ATP2B4: variants seen among roughly 807,000 people sequenced by gnomAD.
The protein encoded by ATP2B4 is ATPase plasma membrane Ca2+ transporting 4, also known as plasma membrane calcium-transporting ATPase 4.
A neutral mutation model predicts 110.3 loss-of-function variants in ATP2B4; 39 were observed. The observed-to-expected ratio is 0.35, with a 90% CI of 0.27 to 0.46. ATP2B4 has a LOEUF of 0.46. Ranked by LOEUF, ATP2B4 falls within the 20% of genes least tolerant of loss-of-function variation. The pLI, the probability that ATP2B4 is intolerant of heterozygous loss-of-function variation, is 1.00. For missense variants in ATP2B4, 1,135 were observed against 1,530.9 expected (o/e 0.74, Z 4.32); for synonymous variants, 538 against 571.7 (o/e 0.94, Z 0.84).
intron 19 of ATP2B4, among the ~76,000 whole-genome samples, chr1:203,726,428 T>C (rs1318120751): frequency 6.8e-6 from 1 of 148,022 alleles, no homozygotes; most frequent in Non-Finnish European, 1.5e-5. Flanking sequence ...AAGATTTCTT[T>C]TTTTTTTTTT....
At chr1:203,647,389 T>A (rs181972963) in intron 1 of ATP2B4, among the ~76,000 whole-genome samples, 61 of 152,148 alleles carry the variant, frequency 4.0e-4, no homozygotes, top group African/African-American at 1.3e-3. Flanking sequence ...TGAGCTCTGA[T>A]TGCACCACTG....
chr1:203,644,800 C>G (rs1033987728), intron 1 of ATP2B4, among the ~76,000 whole-genome samples: 1 of 152,158 alleles, frequency 6.6e-6, no homozygotes, highest in African/African-American at 2.4e-5. Context: ...AGGAATTGGT[C>G]TCCTAGAATT....
chr1:203,632,248 A>G lies in ATP2B4; in HGVS notation c.-465+5029A>G, dbSNP rs111573146. ...ATGACTAGGAGCCCTGTGAACTTAT[A>G]TGACATGATTGTTAGGATATATTAT... is the stretch of plus-strand genomic sequence containing the variant. On this transcript the variant is annotated intron_variant, in intron 1 of 20. Coordinates refer to ENST00000357681, the MANE Select transcript of ATP2B4 (RefSeq NM_001684.5). Among the ~76,000 whole-genome samples the G allele has an allele frequency of 5.4e-3, 815 of 152,214 alleles. 11 individuals are homozygous for G. Among genetic ancestry groups the G allele is most frequent in the African/African-American group, 0.018 (760 of 41,554 alleles).
At chr1:203,713,608 G>A (rs532465659) in intron 14 of ATP2B4, among the ~76,000 whole-genome samples, 1 of 152,186 alleles carries the variant, frequency 6.6e-6, no homozygotes, top group East Asian at 1.9e-4. Context: ...GGGACTACAG[G>A]CGCATGCCAC....
chr1:203,717,737 G>A (rs1490412364), intron 15 of ATP2B4, among the ~76,000 whole-genome samples: 2 of 151,728 alleles, frequency 1.3e-5, no homozygotes, highest in African/African-American at 2.4e-5. Context: ...CACTTCCCAG[G>A]TTCAAACAAT....
intron 2 of ATP2B4, 101 bp from the exon 3 acceptor site, chr1:203,698,056 G>A (rs1193474561): frequency 4.1e-6 from 4 of 965,774 alleles, no homozygotes; most frequent in Middle Eastern, 5.4e-4. Context: ...GCCCAGGCTA[G>A]AGTGTAATGA....
At chr1:203,692,247 G>A (rs1010456477) in intron 2 of ATP2B4, among the ~76,000 whole-genome samples, 15 of 151,116 alleles carry the variant, frequency 9.9e-5, no homozygotes, top group African/African-American at 3.7e-4. Context: ...GCAAAATCAC[G>A]GCTTACTGTA....
Position 203,711,992 on chromosome 1 carries a change from T to C in ATP2B4, c.2064T>C (p.Ala688=). ...ATGCTATTGCCAAATGCAAACAAGC[T>C]GGCATTACTGTCAGAATGGTGACAG... is the stretch of plus-strand genomic sequence containing the variant. ...VPDAIAKCKQ[A]GITVRMVTGD... The change falls in exon 13 of 21, where the codon GCT becomes GCC. Residue 688 remains alanine, a synonymous_variant. Coordinates refer to ENST00000357681, the MANE Select transcript of ATP2B4 (RefSeq NM_001684.5). 2.5e-6 allele frequency: 4 copies of C among 1,614,160 alleles called. No individual in the cohort carries two copies. The East Asian group carries it at 8.9e-5, about 36-fold the overall frequency.
chr1:203,713,336 C>T lies in ATP2B4; in HGVS notation c.2299+84C>T, dbSNP rs1666066509. 3 of 1,490,160 alleles carry T rather than the reference C, an allele frequency of 2.0e-6. No homozygotes were observed. In the Admixed American group the frequency reaches 5.1e-5, roughly 25 times the overall value. The allele number at this position is 1,490,160 out of a possible 1,614,324, so 92.3% of individuals were successfully genotyped here. ...AGATAAGAACCACCAGCCAAAGCCA[C>T]TCTCCTGTCCAAATAGGGAGGTCCT... On this transcript the variant is annotated intron_variant, in intron 14 of 20. Coordinates refer to ENST00000357681, the MANE Select transcript of ATP2B4 (RefSeq NM_001684.5).
intron 6 of ATP2B4, among the ~76,000 whole-genome samples, chr1:203,701,146 G>A (rs1197277177): frequency 1.3e-5 from 2 of 152,160 alleles, no homozygotes; most frequent in African/African-American, 4.8e-5. Context: ...GGTTGAATTT[G>A]AGCCTTGATT....
At chr1:203,724,074 G>A in intron 19 of ATP2B4, 86 bp downstream of exon 19, 1 of 1,148,436 alleles carries the variant, frequency 8.7e-7, no homozygotes, top group Non-Finnish European at 1.2e-6. Flanking sequence ...CAACGGTGGA[G>A]ACCCCCCAGC....
At chr1:203,682,478 G>T (rs1665044395) in intron 1 of ATP2B4, among the ~76,000 whole-genome samples, 1 of 152,156 alleles carries the variant, frequency 6.6e-6, no homozygotes, top group Non-Finnish European at 1.5e-5. Flanking sequence ...ATGTTGCTTG[G>T]TTGGGAGAGG....
At chr1:203,633,510 TC>T (rs1663339731) in intron 1 of ATP2B4, among the ~76,000 whole-genome samples, 1 of 152,132 alleles carries the variant, frequency 6.6e-6, no homozygotes. Context: ...ATACCTGTAA[TC>T]CCAGCACTTT....
At chr1:203,731,729 AG>A (rs1026728635) in intron 20 of ATP2B4, among the ~76,000 whole-genome samples, 7 of 150,492 alleles carry the variant, frequency 4.7e-5, no homozygotes, top group African/African-American at 1.7e-4. Flanking sequence ...AGGTACGTGT[AG>A]TCCCTGCTAC....
intron 1 of ATP2B4, among the ~76,000 whole-genome samples, chr1:203,673,778 G>A (rs1178932889): frequency 6.6e-6 from 1 of 152,202 alleles, no homozygotes; most frequent in Non-Finnish European, 1.5e-5. Context: ...TTTGGTGGAT[G>A]AGATGTGGCC....
chr1:203,687,687 C>T (rs1665238626), intron 2 of ATP2B4, among the ~76,000 whole-genome samples: 2 of 151,862 alleles, frequency 1.3e-5, no homozygotes, highest in Non-Finnish European at 2.9e-5. Context: ...TTTAAGGGGG[C>T]TTATGGAACT....
chr1:203,733,252 A>C, intron 20 of ATP2B4: 5 of 1,613,356 alleles, frequency 3.1e-6, no homozygotes, highest in Non-Finnish European at 4.2e-6. Flanking sequence ...TCCAGACGGG[A>C]GCCTCTTTTA....
intron 1 of ATP2B4, among the ~76,000 whole-genome samples, chr1:203,645,326 A>C (rs1663761635): frequency 6.6e-6 from 1 of 152,062 alleles, no homozygotes; most frequent in Non-Finnish European, 1.5e-5. Flanking sequence ...CTGCCTCTCT[A>C]ATGCCCTAGC....
At chr1:203,699,853 A>C in intron 4 of ATP2B4, 136 bp downstream of exon 4, 1 of 1,428,968 alleles carries the variant, frequency 7.0e-7, no homozygotes, top group South Asian at 1.4e-5. Flanking sequence ...TCTAGGTTAG[A>C]GTTTAAAGAG....
Sources: allele counts gnomAD v4.1 joint callset (sites outside exome capture counted in the v4.1 genomes callset), GRCh38; gene constraint gnomAD v4.1.1; transcripts MANE v1.5; gene names NCBI Gene and HGNC (gene_info 2026-07-23, HGNC 2026-07-21).